Variants in ZNF277 observed in about 807,000 individuals in gnomAD.
ZNF277 encodes nuclear receptor-interacting factor 4.
Under a neutral mutation model 60.7 loss-of-function variants are expected in ZNF277, and 55 were observed. The observed-to-expected ratio is 0.91, with a 90% confidence interval of 0.73 to 1.13. ZNF277 has a LOEUF of 1.13. Ranked by LOEUF, ZNF277 falls within the 50% of genes most tolerant of loss-of-function variation. ZNF277 has a pLI of 0.00. For synonymous variants in ZNF277, 178 were observed against 179.3 expected, an observed-to-expected ratio of 0.99 and a Z score of 0.06; for missense variants, 510 against 523.0, an observed-to-expected ratio of 0.98 and a Z score of 0.24.
intron 1 of ZNF277, among the ~76,000 whole-genome samples, chr7:112,283,749 A>C (rs936363627): frequency 6.6e-6 from 1 of 152,224 alleles, no homozygotes; most frequent in African/African-American, 2.4e-5. Context: ...CCACAGAGGA[A>C]TAATAGACTG....
At chr7:112,222,686 A>C (rs1057130040) in intron 1 of ZNF277, among the ~76,000 whole-genome samples, 7 of 152,172 alleles carry the variant, frequency 4.6e-5, no homozygotes, top group African/African-American at 1.4e-4. Context: ...TGTGGGACTG[A>C]GTACTGCAAG....
At chr7:112,310,125 C>A (rs1423910667) in intron 4 of ZNF277, among the ~76,000 whole-genome samples, 1 of 152,046 alleles carries the variant, frequency 6.6e-6, no homozygotes, top group Non-Finnish European at 1.5e-5. Flanking sequence ...TGAGCTTGAT[C>A]TCCAGCTCCC....
chr7:112,331,366 A>C (rs1301357628), intron 7 of ZNF277, among the ~76,000 whole-genome samples: 1 of 152,202 alleles, frequency 6.6e-6, no homozygotes, highest in African/African-American at 2.4e-5. Context: ...ATTGGAAGAA[A>C]AACAGAGAGT....
At chr7:112,298,702 C>G (rs1361797627) in intron 4 of ZNF277, among the ~76,000 whole-genome samples, 1 of 152,180 alleles carries the variant, frequency 6.6e-6, no homozygotes, top group Non-Finnish European at 1.5e-5. Flanking sequence ...TGACTGATGA[C>G]CATCCATAAG....
chr7:112,325,709 T>C (rs1309074227), intron 5 of ZNF277, among the ~76,000 whole-genome samples: 1 of 152,192 alleles, frequency 6.6e-6, no homozygotes, highest in Non-Finnish European at 1.5e-5. Flanking sequence ...GAGCCAGCTC[T>C]TGGTCCATTC....
Position 112,343,339 on chromosome 7 carries a change from A to C in ZNF277, c.*610A>C, listed in dbSNP as rs1221283829. On this transcript the variant is annotated 3_prime_UTR_variant, in exon 12 of 12. Transcript: ENST00000361822. ...CCAAATTCCCTAGAAATAGACATCA[A>C]GCCAGTTAACTTCACTTTTCCCTGC... is the stretch of plus-strand genomic sequence containing the variant. Among the ~76,000 whole-genome samples the C allele has an allele frequency of 6.6e-6, 1 of 152,072 alleles. No homozygotes were observed. Among genetic ancestry groups the C allele is most frequent in the African/African-American group, 2.4e-5 (1 of 41,302 alleles).
At position 112,310,987 on chromosome 7, in the gene ZNF277, C is replaced by T. The variant is rs1584400419; in HGVS notation, c.466-7195C>T. Among the ~76,000 whole-genome samples, 3 of 152,086 alleles carry T rather than the reference C, an allele frequency of 2.0e-5. No homozygotes were observed. The South Asian group carries it at 6.2e-4, about 31-fold the overall frequency. On this transcript the variant is annotated intron_variant, in intron 4 of 11. Transcript: ENST00000361822. ...ATAACATCCATCTTGGTTTTACTTTCGTCTGTTAATCCAGGTTATTTCCAT... is the reference window on the plus strand; with the variant it reads ...ATAACATCCATCTTGGTTTTACTTTTGTCTGTTAATCCAGGTTATTTCCAT...
chr7:112,318,326 A>G, intron 5 of ZNF277, 53 bp downstream of exon 5: 6 of 1,486,212 alleles, frequency 4.0e-6, no homozygotes, highest in Non-Finnish European at 5.6e-6. Context: ...AAAACTCATC[A>G]GAACATCCCT....
At chr7:112,285,055 G>C (rs929035618) in intron 1 of ZNF277, among the ~76,000 whole-genome samples, 1 of 152,002 alleles carries the variant, frequency 6.6e-6, no homozygotes, top group Non-Finnish European at 1.5e-5. Flanking sequence ...TTTTGAGACA[G>C]AGTCACGCTC....
At position 112,343,552 on chromosome 7, in the gene ZNF277, A is replaced by ATG. The variant is rs1183768201; in HGVS notation, c.*825_*826dup. 1.6e-4 allele frequency among the ~76,000 whole-genome samples: 25 copies of ATG among 152,170 alleles called. No individual in the cohort carries two copies. The highest frequency in any genetic ancestry group is 1.6e-3 in the Admixed American group (25 of 15,270). On this transcript the variant is annotated 3_prime_UTR_variant, in exon 12 of 12. Coordinates refer to ENST00000361822, the MANE Select transcript of ZNF277 (RefSeq NM_021994.3). ...TGAATATTATATGCCTCCTGATAAG[A>ATG]TGTACTGAGGAGGACAGAATATCAC...
At chr7:112,308,954 G>A (rs1792661381) in intron 4 of ZNF277, among the ~76,000 whole-genome samples, 1 of 152,034 alleles carries the variant, frequency 6.6e-6, no homozygotes, top group African/African-American at 2.4e-5. Context: ...TAAAAAACTG[G>A]AGAGGACTTA....
chr7:112,334,382 CTTAA>C (rs928201415), intron 7 of ZNF277, among the ~76,000 whole-genome samples: 2 of 142,316 alleles, frequency 1.4e-5, no homozygotes, highest in African/African-American at 5.2e-5. Flanking sequence ...GGCACAGTGT[CTTAA>C]TTAGAGAGTT....
intron 4 of ZNF277, among the ~76,000 whole-genome samples, chr7:112,312,107 G>A (rs1044425052): frequency 2.0e-5 from 3 of 152,074 alleles, no homozygotes; most frequent in Non-Finnish European, 4.4e-5. Flanking sequence ...TCTGCCTTCA[G>A]TGGGCTTATT....
intron 1 of ZNF277, among the ~76,000 whole-genome samples, chr7:112,260,407 G>A (rs1156658724): frequency 2.6e-5 from 4 of 152,172 alleles, no homozygotes; most frequent in Admixed American, 6.5e-5. Flanking sequence ...ATTTACAAAT[G>A]AGTATCATAT....
intron 1 of ZNF277, among the ~76,000 whole-genome samples, chr7:112,217,840 T>C (rs192369400): frequency 2.6e-5 from 4 of 152,256 alleles, no homozygotes; most frequent in Admixed American, 1.3e-4. Flanking sequence ...TTTGAGATAT[T>C]TTCCAGACCC....
intron 1 of ZNF277, among the ~76,000 whole-genome samples, chr7:112,233,075 C>G (rs1380523251): frequency 6.6e-6 from 1 of 152,084 alleles, no homozygotes; most frequent in Non-Finnish European, 1.5e-5. Flanking sequence ...AAACTTCTAT[C>G]CAGAATTTTC....
At chr7:112,272,241 A>C (rs1471829184) in intron 1 of ZNF277, among the ~76,000 whole-genome samples, 9 of 152,168 alleles carry the variant, frequency 5.9e-5, no homozygotes, top group Non-Finnish European at 1.3e-4. Flanking sequence ...AGTTCCATCC[A>C]CATTGTTGCA....
intron 4 of ZNF277, among the ~76,000 whole-genome samples, chr7:112,311,594 C>G (rs538226096): frequency 6.6e-6 from 1 of 151,896 alleles, no homozygotes; most frequent in African/African-American, 2.4e-5. Flanking sequence ...ATTTGCACAT[C>G]TTTGTGGTGC....
intron 1 of ZNF277, among the ~76,000 whole-genome samples, chr7:112,264,642 A>T (rs147880194): frequency 2.0e-5 from 3 of 152,310 alleles, no homozygotes; most frequent in East Asian, 3.9e-4. Context: ...TGAAATTTTA[A>T]TAAAAATATA....
Sources: gnomAD v4.1 joint callset for allele counts (sites outside exome capture counted in the v4.1 genomes callset) on GRCh38, gnomAD v4.1.1 for gene constraint, MANE v1.5 for transcripts, NCBI Gene and HGNC (gene_info 2026-07-23, HGNC 2026-07-21) for gene names.